The following CUX1 variants were observed in gnomAD, a reference collection of about 807,000 sequenced individuals.
The protein encoded by CUX1 is cut like homeobox 1, also known as protein CASP.
A neutral mutation model predicts 158.8 loss-of-function variants in CUX1; 31 were observed. That is an observed-to-expected ratio of 0.20 (90% CI 0.15 to 0.26). The LOEUF (loss-of-function observed/expected upper bound fraction) is 0.26, where lower values mean the gene tolerates loss of function less well. CUX1 is among the 10% of genes least tolerant of loss of function. The pLI, the probability that CUX1 is intolerant of heterozygous loss-of-function variation, is 1.00. For synonymous variants in CUX1, 879 were observed against 862.1 expected (o/e 1.02, Z -0.34); for missense variants, 1,589 against 2,014.6 (o/e 0.79, Z 4.04).
chr7:101,823,015 A>T (rs775292628), intron 1 of CUX1, among the ~76,000 whole-genome samples: 1 of 152,182 alleles, frequency 6.6e-6, no homozygotes, highest in Non-Finnish European at 1.5e-5. Flanking sequence ...GTTGTAATTA[A>T]ATTCAGAGAG....
Position 102,248,018 on chromosome 7 carries a change from G to C in CUX1, c.3888-394G>C, listed in dbSNP as rs782374589. 3.3e-5 allele frequency among the ~76,000 whole-genome samples: 5 copies of C among 151,956 alleles called. No individual in the cohort carries two copies. The highest frequency in any genetic ancestry group is 4.4e-5 in the Non-Finnish European group (3 of 67,966). ...TGGTAGTGGGTGACTGTAATCCCAG[G>C]TACTCTGGAGGCTGAGGCAGGAGAA... On this transcript the variant is annotated intron_variant, in intron 23 of 23. Transcript: ENST00000292535. The surrounding 1 kb of genome is among the most constrained non-coding windows in gnomAD (Gnocchi z 5.8).
At chr7:102,088,726 C>T (rs1184572396) in intron 4 of CUX1, among the ~76,000 whole-genome samples, 3 of 152,112 alleles carry the variant, frequency 2.0e-5, no homozygotes, top group Non-Finnish European at 4.4e-5. Flanking sequence ...CTGAGACAGG[C>T]GATCTCCAGT....
At chr7:102,199,526 T>C (rs1303000720) in intron 16 of CUX1, among the ~76,000 whole-genome samples, 1 of 152,242 alleles carries the variant, frequency 6.6e-6, no homozygotes, top group Non-Finnish European at 1.5e-5. Context: ...GCAGGCTCCT[T>C]TCCTCGTATG....
At chr7:102,140,685 C>A (rs564507914) in intron 8 of CUX1, among the ~76,000 whole-genome samples, 1 of 151,934 alleles carries the variant, frequency 6.6e-6, no homozygotes, top group Non-Finnish European at 1.5e-5. Context: ...CATGGTGAAA[C>A]CCCGTCTCTA....
At chr7:101,835,297 C>T (rs1421745428) in intron 1 of CUX1, among the ~76,000 whole-genome samples, 1 of 152,192 alleles carries the variant, frequency 6.6e-6, no homozygotes, top group Non-Finnish European at 1.5e-5. Flanking sequence ...TTGCGGGGCT[C>T]ACCCACATTG....
intron 1 of CUX1, among the ~76,000 whole-genome samples, chr7:101,823,588 A>G (rs1359461592): frequency 6.6e-6 from 1 of 152,188 alleles, no homozygotes; most frequent in Non-Finnish European, 1.5e-5. Flanking sequence ...ACTCTGAGAC[A>G]CCAGGGAAGT....
chr7:102,256,862 G>A lies in CUX1; in HGVS notation c.*7820G>A. ...CCGCATGGGTTGATACGTTTTGGTT[G>A]GTTTTTTGTTGTTGTTTTTCTTGCG... On this transcript the variant is annotated 3_prime_UTR_variant, in exon 24 of 24. Transcript: ENST00000292535. 1 of 985,418 alleles carries A rather than the reference G, an allele frequency of 1.0e-6. No homozygotes were observed. The highest frequency in any genetic ancestry group is 4.7e-5 in the South Asian group (1 of 21,286). 61.0% of individuals were successfully genotyped at this position (985,418 alleles called of 1,614,324 possible).
rs781884753 is a variant in CUX1, at chr7:102,198,883, G to T, written c.1960+16G>T. 3.7e-6 allele frequency: 6 copies of T among 1,613,200 alleles called. No individual in the cohort carries two copies. In the African/African-American group the frequency reaches 6.7e-5, roughly 18 times the overall value. ...GGGTCTGAAGGTATGTTGCAGGCAG[G>T]CGTTTTCTTTGCAGTCAGTCACCTA... is the stretch of plus-strand genomic sequence containing the variant. On this transcript the variant is annotated intron_variant, in intron 16 of 23. Transcript: ENST00000292535.
intron 1 of CUX1, among the ~76,000 whole-genome samples, chr7:101,824,179 C>G (rs548918039): frequency 9.2e-5 from 14 of 152,344 alleles, no homozygotes; most frequent in African/African-American, 3.4e-4. Context: ...CCTCCACCTC[C>G]CAGGTTCAAG....
In CUX1 at chr7:102,158,577, T is replaced by C; in HGVS notation, c.692T>C (p.Met231Thr). 1 of 1,613,872 alleles carries C rather than the reference T, an allele frequency of 6.2e-7. No individual in the cohort carries two copies. The highest frequency in any genetic ancestry group is 1.7e-4 in the Middle Eastern group (1 of 6,060). ...ETTAKADEIE[M>T]IMTDLERANQ... ...CCTCCTAGGGCCGACGAGATTGAAA[T>C]GATCATGACGGACCTTGAAAGGGCA... Residue 231 changes from methionine (M) to threonine (T), a missense_variant, in exon 9 of 24, where the codon ATG (methionine) becomes ACG (threonine). This residue lies in a region of CUX1 where 515 missense variants were observed against 574.4 expected (regional missense o/e 0.90). Transcript: ENST00000292535.
chr7:102,254,290 A>G lies in CUX1; in HGVS notation c.*5248A>G, dbSNP rs1196259767. On this transcript the variant is annotated 3_prime_UTR_variant, in exon 24 of 24. Coordinates refer to ENST00000292535, the MANE Select transcript of CUX1 (RefSeq NM_181552.4). The stretch of plus-strand genomic sequence containing the variant: ...ATCATGGCCATTATCCTTGTCCCGG[A>G]CTGCCCCAAAGTTCCCAGCTGGCTT... The G allele has an allele frequency of 3.0e-6, 3 of 985,254 alleles. No homozygotes were observed. The highest frequency in any genetic ancestry group is 6.2e-5 in the Admixed American group (1 of 16,246). The allele number at this position is 985,254 out of a possible 1,614,324, so 61.0% of individuals were successfully genotyped here. A position where few individuals can be genotyped will look rare whatever the true frequency, so the allele number is the denominator to read the frequency against.
intron 2 of CUX1, among the ~76,000 whole-genome samples, chr7:101,997,089 C>G (rs202152): frequency 0.61 from 92,542 of 151,576 alleles, 29,002 homozygotes; most frequent in East Asian, 0.96. Context: ...CCATGGGGCT[C>G]TGTCTGCAGG....
At chr7:102,234,267 G>T in intron 22 of CUX1, 27 bp downstream of exon 22, 1 of 1,486,362 alleles carries the variant, frequency 6.7e-7, no homozygotes, top group South Asian at 1.4e-5. Flanking sequence ...CGCCCGGGCC[G>T]GCTGCGTCCG....
At chr7:102,263,594 A>T (rs2132749926) in intron 14 of CUX1, among the ~76,000 whole-genome samples, 1 of 150,628 alleles carries the variant, frequency 6.6e-6, no homozygotes. Flanking sequence ...GGGATTACAG[A>T]TGTGAGCCAC....
chr7:101,965,070 T>G (rs1010120367), intron 2 of CUX1, among the ~76,000 whole-genome samples: 1 of 152,330 alleles, frequency 6.6e-6, no homozygotes, highest in East Asian at 1.9e-4. Context: ...TGAACCTACT[T>G]CTTGCCAGAC....
rs71119801 is a variant in CUX1 at position 102,030,691 on chromosome 7, G to GTTTTTTTTT, written c.189+2550_189+2558dup. ...TATCTAATTTTCTATTTTAAAAAGT[G>GTTTTTTTTT]TTTTTTTTTTTTGAGACAGGGTCTC... On this transcript the variant is annotated intron_variant, in intron 3 of 23. Coordinates refer to ENST00000292535, the MANE Select transcript of CUX1 (RefSeq NM_181552.4). Among the ~76,000 whole-genome samples the GTTTTTTTTT allele has an allele frequency of 2.4e-3, 283 of 119,408 alleles. 22 individuals carry two copies. The highest frequency in any genetic ancestry group is 9.3e-3 in the East Asian group (34 of 3,644). The allele number at this position is 119,408 out of a possible 152,430, so 78.3% of individuals were successfully genotyped here. A position where few individuals can be genotyped will look rare whatever the true frequency, so the allele number is the denominator to read the frequency against.
chr7:102,136,359 A>AT (rs1318870417), intron 8 of CUX1, among the ~76,000 whole-genome samples: 2 of 149,066 alleles, frequency 1.3e-5, no homozygotes, highest in African/African-American at 4.9e-5. Flanking sequence ...TTGGTCACCT[A>AT]TTTTTTCTGT....
intron 9 of CUX1, among the ~76,000 whole-genome samples, chr7:102,168,002 C>T (rs1384949705): frequency 2.6e-5 from 4 of 151,654 alleles, no homozygotes; most frequent in Non-Finnish European, 4.4e-5. Flanking sequence ...CGCTTGAACC[C>T]GGGAGGCGGA....
rs535520631 is a variant in CUX1, at chr7:102,231,950, T to C, written c.3434-2102T>C. Reference sequence around the variant, plus strand: ...GGATGGTCTCGATCTCCTGACCTCATGATCTGCCCACCTTGGCCTTGCAAA... The same window carrying C: ...GGATGGTCTCGATCTCCTGACCTCACGATCTGCCCACCTTGGCCTTGCAAA... On this transcript the variant is annotated intron_variant, in intron 21 of 23. Transcript: ENST00000292535. 2.6e-4 allele frequency among the ~76,000 whole-genome samples: 40 copies of C among 151,972 alleles called. 1 individual carries two copies. In the South Asian group the frequency reaches 6.9e-3, roughly 26 times the overall value.
Sources: gnomAD v4.1 joint callset for allele counts (sites outside exome capture counted in the v4.1 genomes callset) on GRCh38, gnomAD v4.1.1 for gene constraint, gnomAD v4.1.1 regional missense constraint, Gnocchi (gnomAD v3.1) non-coding constraint, MANE v1.5 for transcripts, NCBI Gene and HGNC (gene_info 2026-07-23, HGNC 2026-07-21) for gene names.